ALK: variants seen among roughly 807,000 people sequenced by gnomAD.
ALK encodes ALK tyrosine kinase receptor.
In ALK, 74 loss-of-function variants were observed where a neutral mutation model predicts 163.1. The ratio of observed to expected loss-of-function variants is 0.45; its 90% CI spans 0.38 to 0.55. The LOEUF is 0.55. Ranked by LOEUF, ALK falls within the 20% of genes least tolerant of loss-of-function variation. The probability of loss-of-function intolerance (pLI) is 0.00; values close to 1 mark genes in which losing one functional copy is unlikely to be tolerated. For synonymous variants in ALK, 960 were observed against 843.2 expected (o/e 1.14, Z -2.40); for missense variants, 2,063 against 2,105.3 (o/e 0.98, Z 0.39).
chr2:29,274,127 CT>C (rs1438371243), intron 11 of ALK, among the ~76,000 whole-genome samples: 1 of 152,192 alleles, frequency 6.6e-6, no homozygotes, highest in African/African-American at 2.4e-5. Context: ...CCTGGGGCAG[CT>C]TTTCATGGGA....
chr2:29,678,853 T>C (rs965504452), intron 3 of ALK, among the ~76,000 whole-genome samples: 3 of 151,838 alleles, frequency 2.0e-5, no homozygotes, highest in Admixed American at 2.0e-4. Context: ...AGGTTTGTAT[T>C]ATGTAGTCGT....
intron 11 of ALK, among the ~76,000 whole-genome samples, chr2:29,256,299 TCTC>T (rs2148201881): frequency 6.6e-6 from 1 of 152,160 alleles, no homozygotes; most frequent in African/African-American, 2.4e-5. Context: ...TGAGAGGTAA[TCTC>T]CACTCACAAA....
intron 3 of ALK, among the ~76,000 whole-genome samples, chr2:29,611,012 A>C (rs1038738567): frequency 1.3e-5 from 2 of 152,326 alleles, no homozygotes; most frequent in South Asian, 4.1e-4. Flanking sequence ...CTTTGGCTCC[A>C]AAAGTAGAAC....
chr2:29,919,088 A>T (rs1439425815), intron 1 of ALK, among the ~76,000 whole-genome samples: 1 of 152,214 alleles, frequency 6.6e-6, no homozygotes, highest in Non-Finnish European at 1.5e-5. Context: ...ATATGGCAAG[A>T]AATGAGGGAG....
chr2:29,604,229 C>G (rs933569176), intron 3 of ALK, among the ~76,000 whole-genome samples: 5 of 143,802 alleles, frequency 3.5e-5, no homozygotes, highest in Admixed American at 7.0e-5. Flanking sequence ...TATTTTATGA[C>G]GTGAGGATTA....
Position 29,454,818 on chromosome 2 carries a change from T to C in ALK, c.1155-70959A>G, listed in dbSNP as rs1372005468. On this transcript the variant is annotated intron_variant, in intron 4 of 28. Transcript: ENST00000389048. The stretch of plus-strand genomic sequence containing the variant: ...AAGTGCCTATATACTGGGCACATAA[T>C]TGGCAATTGATACATATAGTTAAAA... Among the ~76,000 whole-genome samples, 2 of 152,170 alleles carry C rather than the reference T, an allele frequency of 1.3e-5. 1 individual carries two copies.
intron 3 of ALK, among the ~76,000 whole-genome samples, chr2:29,686,362 G>A (rs1325370292): frequency 6.6e-6 from 1 of 152,148 alleles, no homozygotes; most frequent in East Asian, 1.9e-4. Context: ...TCACTGGGCT[G>A]TTTAGATTCC....
Position 29,594,064 on chromosome 2 carries a change from C to G in ALK, c.953-61948G>C, listed in dbSNP as rs184146684. ...TTTACTAGTATCTAGTGGGTAGAGG[C>G]CAGAGATTCTGCTAAACATCCTATA... On this transcript the variant is annotated intron_variant, in intron 3 of 28. Transcript: ENST00000389048. Among the ~76,000 whole-genome samples the G allele has an allele frequency of 2.3e-4, 35 of 152,094 alleles. 1 individual carries two copies. The highest frequency in any genetic ancestry group is 8.0e-4 in the African/African-American group (33 of 41,472).
intron 15 of ALK, among the ~76,000 whole-genome samples, chr2:29,231,572 G>A (rs187538372): frequency 2.0e-5 from 3 of 151,722 alleles, no homozygotes; most frequent in Non-Finnish European, 4.4e-5. Flanking sequence ...GATCCTCAGG[G>A]TGGACCCATG....
chr2:29,312,294 A>G (rs186677441), intron 8 of ALK, among the ~76,000 whole-genome samples: 2 of 152,256 alleles, frequency 1.3e-5, no homozygotes, highest in East Asian at 3.9e-4. Flanking sequence ...CAGGCTGGGC[A>G]TGTTTCATAT....
chr2:29,790,264 G>A (rs577062397), intron 1 of ALK, among the ~76,000 whole-genome samples: 14 of 152,092 alleles, frequency 9.2e-5, no homozygotes, highest in Non-Finnish European at 1.8e-4. Context: ...GGAGGGTGGC[G>A]GAGTGGAAAG....
chr2:29,609,703 G>C (rs954493112), intron 3 of ALK, among the ~76,000 whole-genome samples: 1 of 151,050 alleles, frequency 6.6e-6, no homozygotes, highest in African/African-American at 2.4e-5. Context: ...AAGTGCAATA[G>C]CACAATAACA....
chr2:29,901,026 C>CAAGCAAGG (rs1667403478), intron 1 of ALK, among the ~76,000 whole-genome samples: 2 of 150,486 alleles, frequency 1.3e-5, no homozygotes, highest in Non-Finnish European at 2.9e-5. Flanking sequence ...AGCAAGCAAG[C>CAAGCAAGG]AAGCAAGCTT....
intron 1 of ALK, among the ~76,000 whole-genome samples, chr2:29,825,029 TAGTG>T (rs1665159570): frequency 6.6e-6 from 1 of 152,184 alleles, no homozygotes; most frequent in South Asian, 2.1e-4. Flanking sequence ...GTTCTCATGA[TAGTG>T]AGTAAGGCTC....
At chr2:29,850,951 C>A (rs542704384) in intron 1 of ALK, among the ~76,000 whole-genome samples, 1 of 152,324 alleles carries the variant, frequency 6.6e-6, no homozygotes, top group East Asian at 1.9e-4. Flanking sequence ...TTCACCGGTG[C>A]CGGTGTGTGC....
At chr2:29,394,192 AT>A (rs1669246770) in intron 4 of ALK, among the ~76,000 whole-genome samples, 1 of 152,174 alleles carries the variant, frequency 6.6e-6, no homozygotes, top group Non-Finnish European at 1.5e-5. Context: ...CCAAACAACA[AT>A]TGGTCCCAGT....
intron 4 of ALK, among the ~76,000 whole-genome samples, chr2:29,489,272 C>A (rs140620462): frequency 7.2e-5 from 11 of 152,170 alleles, no homozygotes; most frequent in Non-Finnish European, 1.5e-4. Context: ...CAGTATACTA[C>A]AAGTATAAGC....
intron 1 of ALK, among the ~76,000 whole-genome samples, chr2:29,741,382 A>T (rs1447882659): frequency 2.0e-5 from 3 of 152,194 alleles, no homozygotes; most frequent in African/African-American, 7.2e-5. Flanking sequence ...ACCGGTGTGA[A>T]TGTTGACAGT....
At chr2:29,238,486 C>T (rs569249573) in intron 13 of ALK, among the ~76,000 whole-genome samples, 8 of 152,270 alleles carry the variant, frequency 5.3e-5, no homozygotes, top group South Asian at 2.1e-4. Flanking sequence ...CATGAACCAC[C>T]GCACCCGGCC....
Sources: gnomAD v4.1 joint callset for allele counts (sites outside exome capture counted in the v4.1 genomes callset) on GRCh38, gnomAD v4.1.1 for gene constraint, MANE v1.5 for transcripts, NCBI Gene and HGNC (gene_info 2026-07-23, HGNC 2026-07-21) for gene names.